Variants in GPR32 observed in about 807,000 individuals in gnomAD.
The protein encoded by GPR32 is probable G protein-coupled receptor 32.
For synonymous variants in GPR32, 215 were observed against 195.3 expected, an observed-to-expected ratio of 1.10 and a Z score of -0.84; for missense variants, 433 against 454.1, an observed-to-expected ratio of 0.95 and a Z score of 0.42.
Position 50,770,812 on chromosome 19 carries a change from G to A in GPR32, c.212G>A (p.Arg71His), listed in dbSNP as rs1007134018. Reference protein sequence around the residue: ...NGLVLWMTVFRMARTVSTVCF... With the variant: ...NGLVLWMTVFHMARTVSTVCF... Reference sequence around the variant, plus strand: ...CTGGTGCTGTGGATGACTGTCTTCCGTATGGCACGCACGGTCTCCACCGTC... The same window carrying A: ...CTGGTGCTGTGGATGACTGTCTTCCATATGGCACGCACGGTCTCCACCGTC... Residue 71 changes from arginine (R) to histidine (H), a missense_variant, in exon 1 of 1, where the codon CGT (arginine) becomes CAT (histidine). Transcript: ENST00000270590. 6 of 1,614,110 alleles carry A rather than the reference G, an allele frequency of 3.7e-6. No individual in the cohort carries two copies. In the Admixed American group the frequency reaches 8.3e-5, roughly 22 times the overall value.
chr19:50,770,490 A>G lies in GPR32; in HGVS notation c.-111A>G. Reference sequence around the variant, plus strand: ...CTTGAGCCTAGGAGGTGGAGGCTGCAGTGATCTGTGATTGTACCTTTGCAC... The same window carrying G: ...CTTGAGCCTAGGAGGTGGAGGCTGCGGTGATCTGTGATTGTACCTTTGCAC... On this transcript the variant is annotated 5_prime_UTR_variant, in exon 1 of 1. Transcript: ENST00000270590. 2 of 708,158 alleles carry G rather than the reference A, an allele frequency of 2.8e-6. No individual in the cohort carries two copies. Among genetic ancestry groups the G allele is most frequent in the Non-Finnish European group, 4.6e-6 (2 of 436,518 alleles). 43.9% of individuals were successfully genotyped at this position (708,158 alleles called of 1,614,324 possible).
In GPR32 at chr19:50,770,667, C is replaced by T; in HGVS notation, c.67C>T (p.Arg23Cys). Residue 23 changes from arginine to cysteine, a missense_variant, in exon 1 of 1, where the codon CGC becomes TGC. Arg to Cys is a radical substitution (Grantham distance 180). Coordinates refer to ENST00000270590, the MANE Select transcript of GPR32 (RefSeq NM_001506.2). ...GCAACCTGGGGTCCTGACACGTGAT[C>T]GCTCTTGTTCCAGGAAGATGAACTC... ...DRQPGVLTRD[R>C]SCSRKMNSSG... 1 of 1,613,784 alleles carries T rather than the reference C, an allele frequency of 6.2e-7. No homozygotes were observed. Among genetic ancestry groups the T allele is most frequent in the Non-Finnish European group, 8.5e-7 (1 of 1,179,848 alleles).
At position 50,771,270 on chromosome 19, in the gene GPR32, G is replaced by C. The variant is rs1199047027; in HGVS notation, c.670G>C (p.Gly224Arg). The change falls in exon 1 of 1, where the codon GGC becomes CGC. Residue 224 changes from glycine to arginine, a missense_variant. Physicochemically the swap from Gly to Arg is moderately radical, Grantham distance 125. Coordinates refer to ENST00000270590, the MANE Select transcript of GPR32 (RefSeq NM_001506.2). ...AGGGACCATTGGCCACTTCCTGCTG[G>C]GCTTCCTGGGGCCCTTAGCAATCAT... Reference protein sequence around the residue: ...IIGTIGHFLLGFLGPLAIIGT... With the variant: ...IIGTIGHFLLRFLGPLAIIGT... The C allele has an allele frequency of 6.2e-7, 1 of 1,614,138 alleles. No individual in the cohort carries two copies. Among genetic ancestry groups the C allele is most frequent in the South Asian group, 1.1e-5 (1 of 91,080 alleles).
Position 50,771,185 on chromosome 19 carries a change from C to G in GPR32, c.585C>G (p.Phe195Leu), listed in dbSNP as rs1354818745. 1.9e-6 allele frequency: 3 copies of G among 1,614,092 alleles called. No homozygotes were observed. In the African/African-American group the frequency reaches 4.0e-5, roughly 22 times the overall value. ...GCTGTACGCACTGCTACTTGGCGTT[C>G]AACTCTGACAATGAGACTGCCCAGA... is the stretch of plus-strand genomic sequence containing the variant. ...WNGCTHCYLAFNSDNETAQIW... is the reference protein window; with the variant it reads ...WNGCTHCYLALNSDNETAQIW... The change falls in exon 1 of 1, where the codon TTC (phenylalanine) becomes TTG (leucine). Residue 195 changes from phenylalanine to leucine, a missense_variant. Transcript: ENST00000270590.
chr19:50,770,832 A>T lies in GPR32; in HGVS notation c.232A>T (p.Thr78Ser), dbSNP rs1156753694. The change falls in exon 1 of 1, where the codon ACC becomes TCC. Residue 78 changes from threonine (T) to serine (S), a missense_variant. Physicochemically the swap from Thr to Ser is moderately conservative, Grantham distance 58. Transcript: ENST00000270590. Reference sequence around the variant, plus strand: ...CTTCCGTATGGCACGCACGGTCTCCACCGTCTGCTTCTTCCACCTGGCCCT... The same window carrying T: ...CTTCCGTATGGCACGCACGGTCTCCTCCGTCTGCTTCTTCCACCTGGCCCT... ...TVFRMARTVS[T>S]VCFFHLALAD... 2.5e-6 allele frequency: 4 copies of T among 1,613,990 alleles called. No homozygotes were observed. The Admixed American group carries it at 6.7e-5, about 27-fold the overall frequency.
At chr19:50,771,621 G>T in the GPR32 span, 1 of 1,613,928 alleles carries the variant, frequency 6.2e-7, no homozygotes, top group Non-Finnish European at 8.5e-7. Context: ...GGCGTTTGGA[G>T]AGGAGGAGTT....
chr19:50,770,944 A>G lies in GPR32; in HGVS notation c.344A>G (p.Lys115Arg). Residue 115 changes from lysine to arginine, a missense_variant, in exon 1 of 1, where the codon AAA (lysine) becomes AGA (arginine). Lys to Arg is a conservative substitution (Grantham distance 26). Coordinates refer to ENST00000270590, the MANE Select transcript of GPR32 (RefSeq NM_001506.2). The part of the protein sequence containing the change: ...RQWLLGEWAC[K>R]LYITFVFLSY... ...TGGCTCCTCGGAGAGTGGGCCTGCAAACTCTACATCACCTTTGTGTTCCTC... is the reference window on the plus strand; with the variant it reads ...TGGCTCCTCGGAGAGTGGGCCTGCAGACTCTACATCACCTTTGTGTTCCTC... 6.2e-7 allele frequency: 1 copy of G among 1,614,052 alleles called. No homozygotes were observed. Among genetic ancestry groups the G allele is most frequent in the East Asian group, 2.2e-5 (1 of 44,870 alleles).
Position 50,771,502 on chromosome 19 carries a change from G to A in GPR32, c.902G>A (p.Ser301Asn), listed in dbSNP as rs2089400654. 2 of 1,614,118 alleles carry A rather than the reference G, an allele frequency of 1.2e-6. No individual in the cohort carries two copies. Among genetic ancestry groups the A allele is most frequent in the Non-Finnish European group, 1.7e-6 (2 of 1,180,048 alleles). The change falls in exon 1 of 1, where the codon AGC (serine) becomes AAC (asparagine). Residue 301 changes from serine (S) to asparagine (N), a missense_variant. Ser to Asn is a conservative substitution (Grantham distance 46, BLOSUM62 1). Transcript: ENST00000270590. Reference protein sequence around the residue: ...HPRMLLILQASFALGCVNSSL... With the variant: ...HPRMLLILQANFALGCVNSSL... ...CGGATGCTGCTCATCCTCCAGGCTAGCTTTGCCTTGGGCTGTGTCAACAGC... is the reference window on the plus strand; with the variant it reads ...CGGATGCTGCTCATCCTCCAGGCTAACTTTGCCTTGGGCTGTGTCAACAGC...
chr19:50,771,364 A>G lies in GPR32; in HGVS notation c.764A>G (p.Lys255Arg), dbSNP rs745701967. 1.9e-5 allele frequency: 30 copies of G among 1,614,168 alleles called. No individual in the cohort carries two copies. The highest frequency in any genetic ancestry group is 3.3e-5 in the South Asian group (3 of 91,082). ...REGWVHANRPKRLLLVLVSAF... is the reference protein window; with the variant it reads ...REGWVHANRPRRLLLVLVSAF... ...GGCTGGGTCCATGCCAACCGGCCCA[A>G]GAGGCTGCTGCTGGTGCTGGTGAGC... The change falls in exon 1 of 1, where the codon AAG (lysine) becomes AGG (arginine). Residue 255 changes from lysine to arginine, a missense_variant. Transcript: ENST00000270590.
rs774697335 is a variant in GPR32, at chr19:50,770,996, T to G, written c.396T>G (p.Leu132=). The change falls in exon 1 of 1, where the codon CTT becomes CTG. Residue 132 remains leucine (L), a synonymous_variant. Coordinates refer to ENST00000270590, the MANE Select transcript of GPR32 (RefSeq NM_001506.2). ...GCTACTTTGCCAGTAACTGCCTCCT[T>G]GTCTTCATCTCTGTGGACCGTTGCA... ...FLSYFASNCL[L]VFISVDRCIS... 78 of 1,614,070 alleles carry G rather than the reference T, an allele frequency of 4.8e-5. No homozygotes were observed. The highest frequency in any genetic ancestry group is 3.3e-4 in the Admixed American group (20 of 59,996).
the GPR32 span, chr19:50,770,877 CT>C: frequency 5.6e-6 from 9 of 1,614,120 alleles, no homozygotes; most frequent in Non-Finnish European, 6.8e-6. Context: ...CATGCTCTCA[CT>C]GTCTCTGCCC....
rs1423281807 is a variant in GPR32 at position 50,771,067 on chromosome 19, A to G, written c.467A>G (p.Gln156Arg). The stretch of plus-strand genomic sequence containing the variant: ...TGGGCCCTGAACCACCGCACTGTGC[A>G]GCGGGCGAGCTGGCTGGCCTTTGGG... ...PVWALNHRTV[Q>R]RASWLAFGVW... is the part of the protein sequence containing the mutation. The change falls in exon 1 of 1, where the codon CAG (glutamine) becomes CGG (arginine). Residue 156 changes from glutamine to arginine, a missense_variant. Gln to Arg is a conservative substitution (Grantham distance 43). Transcript: ENST00000270590. 2.5e-6 allele frequency: 4 copies of G among 1,614,004 alleles called. No homozygotes were observed. The highest frequency in any genetic ancestry group is 1.7e-6 in the Non-Finnish European group (2 of 1,180,040).
In GPR32 at chr19:50,771,007, C is replaced by T. The variant is rs1568459841; in HGVS notation, c.407C>T (p.Ser136Phe). The change falls in exon 1 of 1, where the codon TCT becomes TTT. Residue 136 changes from serine (S) to phenylalanine (F), a missense_variant. Coordinates refer to ENST00000270590, the MANE Select transcript of GPR32 (RefSeq NM_001506.2). ...FASNCLLVFI[S>F]VDRCISVLYP... ...AGTAACTGCCTCCTTGTCTTCATCT[C>T]TGTGGACCGTTGCATCTCTGTCCTC... is the stretch of plus-strand genomic sequence containing the variant. 2 of 1,614,202 alleles carry T rather than the reference C, an allele frequency of 1.2e-6. No homozygotes were observed. The highest frequency in any genetic ancestry group is 2.2e-5 in the East Asian group (1 of 44,886).
rs2089393278 is a variant in GPR32, at chr19:50,770,582, A to T, written c.-19A>T. On this transcript the variant is annotated 5_prime_UTR_variant, in exon 1 of 1. Transcript: ENST00000270590. ...TAATAATAATAAGCATTCCATAAAAATTATGGAATGGAGAAATCATGAATG... is the reference window on the plus strand; with the variant it reads ...TAATAATAATAAGCATTCCATAAAATTTATGGAATGGAGAAATCATGAATG... 4 of 1,459,562 alleles carry T rather than the reference A, an allele frequency of 2.7e-6. No homozygotes were observed. The highest frequency in any genetic ancestry group is 2.3e-5 in the East Asian group (1 of 43,922). 90.4% of individuals were successfully genotyped at this position (1,459,562 alleles called of 1,614,324 possible).
Position 50,771,398 on chromosome 19 carries a change from T to G in GPR32, c.798T>G (p.Phe266Leu). The G allele has an allele frequency of 6.2e-7, 1 of 1,614,144 alleles. No homozygotes were observed. The highest frequency in any genetic ancestry group is 8.5e-7 in the Non-Finnish European group (1 of 1,180,030). The part of the protein sequence containing the change: ...RLLLVLVSAF[F>L]IFWSPFNVVL... Reference sequence around the variant, plus strand: ...TGCTGGTGCTGGTGAGCGCTTTCTTTATCTTCTGGTCCCCGTTTAACGTGG... The same window carrying G: ...TGCTGGTGCTGGTGAGCGCTTTCTTGATCTTCTGGTCCCCGTTTAACGTGG... The change falls in exon 1 of 1, where the codon TTT becomes TTG. Residue 266 changes from phenylalanine to leucine, a missense_variant. By Grantham distance (22) the Phe-to-Leu change is conservative. Coordinates refer to ENST00000270590, the MANE Select transcript of GPR32 (RefSeq NM_001506.2).
rs1020738418 is a variant in GPR32, at chr19:50,770,479, G to A, written c.-122G>A. The A allele has an allele frequency of 1.5e-5, 10 of 658,976 alleles. No homozygotes were observed. The highest frequency in any genetic ancestry group is 3.6e-5 in the African/African-American group (2 of 54,900). The allele number at this position is 658,976 out of a possible 1,614,324, so 40.8% of individuals were successfully genotyped here. On this transcript the variant is annotated 5_prime_UTR_variant, in exon 1 of 1. The change creates a new upstream start codon in the 5' untranslated region. Coordinates refer to ENST00000270590, the MANE Select transcript of GPR32 (RefSeq NM_001506.2). ...GGGGAGGATCTCTTGAGCCTAGGAG[G>A]TGGAGGCTGCAGTGATCTGTGATTG... is the stretch of plus-strand genomic sequence containing the variant.
In GPR32 at chr19:50,771,450, G is replaced by C; in HGVS notation, c.850G>C (p.Val284Leu). Residue 284 changes from valine (V) to leucine (L), a missense_variant, in exon 1 of 1, where the codon GTG becomes CTG. By Grantham distance (32) the Val-to-Leu change is conservative (BLOSUM62 1). Transcript: ENST00000270590. ...VVLLVHLWRR[V>L]MLKEIYHPRM... Reference sequence around the variant, plus strand: ...GCTGTTGGTCCATCTGTGGCGACGGGTGATGCTCAAGGAAATCTACCACCC... The same window carrying C: ...GCTGTTGGTCCATCTGTGGCGACGGCTGATGCTCAAGGAAATCTACCACCC... 1 of 1,614,176 alleles carries C rather than the reference G, an allele frequency of 6.2e-7. No homozygotes were observed. The highest frequency in any genetic ancestry group is 1.1e-5 in the South Asian group (1 of 91,078).
In GPR32 at chr19:50,771,296, A is replaced by G. The variant is rs2089399277; in HGVS notation, c.696A>G (p.Ile232Met). 2 of 1,614,074 alleles carry G rather than the reference A, an allele frequency of 1.2e-6. No homozygotes were observed. Among genetic ancestry groups the G allele is most frequent in the African/African-American group, 2.7e-5 (2 of 75,026 alleles). ...LLGFLGPLAIIGTCAHLIRAK... is the reference protein window; with the variant it reads ...LLGFLGPLAIMGTCAHLIRAK... Reference sequence around the variant, plus strand: ...GCTTCCTGGGGCCCTTAGCAATCATAGGCACCTGCGCCCACCTCATCCGGG... The same window carrying G: ...GCTTCCTGGGGCCCTTAGCAATCATGGGCACCTGCGCCCACCTCATCCGGG... Residue 232 changes from isoleucine (I) to methionine (M), a missense_variant, in exon 1 of 1, where the codon ATA becomes ATG. Ile to Met is a conservative substitution (Grantham distance 10). Transcript: ENST00000270590.
rs768236752 is a variant in GPR32, at chr19:50,770,954, C to T, written c.354C>T (p.Ile118=). ...LLGEWACKLY[I]TFVFLSYFAS... Reference sequence around the variant, plus strand: ...GAGAGTGGGCCTGCAAACTCTACATCACCTTTGTGTTCCTCAGCTACTTTG... The same window carrying T: ...GAGAGTGGGCCTGCAAACTCTACATTACCTTTGTGTTCCTCAGCTACTTTG... The change falls in exon 1 of 1, where the codon ATC becomes ATT. Residue 118 remains isoleucine (I), a synonymous_variant. Transcript: ENST00000270590. The T allele has an allele frequency of 4.3e-6, 7 of 1,614,064 alleles. No individual in the cohort carries two copies. In the South Asian group the frequency reaches 7.7e-5, roughly 18 times the overall value.
Sources: gnomAD v4.1 joint callset for allele counts on GRCh38, gnomAD v4.1.1 for gene constraint, MANE v1.5 for transcripts, NCBI Gene and HGNC (gene_info 2026-07-23, HGNC 2026-07-21) for gene names.